The following EMCN variants were observed in gnomAD, a reference collection of about 807,000 sequenced individuals.
The protein encoded by EMCN is endomucin, also known as MUC-14.
A neutral mutation model predicts 38.4 loss-of-function variants in EMCN; 37 were observed. That is an observed-to-expected ratio of 0.96 (90% CI 0.74 to 1.27). The LOEUF (loss-of-function observed/expected upper bound fraction) is 1.27. EMCN is among the 50% of genes most tolerant of loss of function. EMCN has a pLI of 0.00. For missense variants in EMCN, 318 were observed against 302.8 expected (o/e 1.05, Z -0.37); for synonymous variants, 95 against 100.8 (o/e 0.94, Z 0.35).
At chr4:100,423,163 C>T in intron 6 of EMCN, 83 bp from the exon 7 acceptor site, 1 of 1,435,718 alleles carries the variant, frequency 7.0e-7, no homozygotes, top group Non-Finnish European at 9.8e-7. Context: ...TTTAAGGAAA[C>T]AGCCATGATT....
chr4:100,440,870 G>A (rs1360111428), intron 5 of EMCN, among the ~76,000 whole-genome samples: 1 of 152,054 alleles, frequency 6.6e-6, no homozygotes, highest in African/African-American at 2.4e-5. Flanking sequence ...CAGATCATGA[G>A]GTCAGGAGAT....
intron 1 of EMCN, among the ~76,000 whole-genome samples, chr4:100,497,261 A>C (rs1425092768): frequency 5.3e-5 from 8 of 151,798 alleles, no homozygotes; most frequent in Non-Finnish European, 1.0e-4. Context: ...AAAAAAAAAA[A>C]AACTAGATTA....
chr4:100,500,465 C>T (rs1322939033), intron 1 of EMCN, among the ~76,000 whole-genome samples: 2 of 151,988 alleles, frequency 1.3e-5, no homozygotes, highest in Non-Finnish European at 2.9e-5. Context: ...AGAATATTAC[C>T]AGCAGTGTAA....
intron 1 of EMCN, among the ~76,000 whole-genome samples, chr4:100,493,636 T>C (rs767966011): frequency 2.0e-5 from 3 of 152,238 alleles, no homozygotes; most frequent in Non-Finnish European, 4.4e-5. Flanking sequence ...ATTTTAGAAA[T>C]TGCAAAATAT....
chr4:100,439,069 T>A (rs1316048568), intron 5 of EMCN, among the ~76,000 whole-genome samples: 1 of 152,072 alleles, frequency 6.6e-6, no homozygotes, highest in Non-Finnish European at 1.5e-5. Flanking sequence ...GTCTGCATTT[T>A]TCTTGTCTTG....
At chr4:100,456,951 C>G (rs1378448365) in intron 4 of EMCN, among the ~76,000 whole-genome samples, 1 of 152,002 alleles carries the variant, frequency 6.6e-6, no homozygotes, top group Non-Finnish European at 1.5e-5. Flanking sequence ...GTGTTTTTCA[C>G]TAAATGTTTG....
At position 100,468,414 on chromosome 4, in the gene EMCN, T is replaced by G. The variant is rs28404911; in HGVS notation, c.260-2875A>C. 9.9e-3 allele frequency among the ~76,000 whole-genome samples: 1,515 copies of G among 152,294 alleles called. 29 individuals are homozygous for G. The highest frequency in any genetic ancestry group is 0.034 in the African/African-American group (1,411 of 41,564). On this transcript the variant is annotated intron_variant, in intron 3 of 11. Coordinates refer to ENST00000296420, the MANE Select transcript of EMCN (RefSeq NM_016242.4). Reference sequence around the variant, plus strand: ...GTAGTTACCAATTAACATGAAGAGATGGTTTGTGGTCATGGATTTTAATTT... The same window carrying G: ...GTAGTTACCAATTAACATGAAGAGAGGGTTTGTGGTCATGGATTTTAATTT...
intron 1 of EMCN, among the ~76,000 whole-genome samples, chr4:100,507,564 T>G (rs1729516181): frequency 1.3e-5 from 2 of 152,048 alleles, no homozygotes; most frequent in Non-Finnish European, 2.9e-5. Flanking sequence ...AAGGAAGAAC[T>G]CCACTGGGTA....
chr4:100,423,233 G>C, intron 6 of EMCN, 79 bp downstream of exon 6: 1 of 1,357,152 alleles, frequency 7.4e-7, no homozygotes, highest in Non-Finnish European at 1.1e-6. Flanking sequence ...GCTCTGTTTT[G>C]TGAGTCAAGA....
chr4:100,492,470 A>T (rs1464231161), intron 1 of EMCN, among the ~76,000 whole-genome samples: 1 of 152,182 alleles, frequency 6.6e-6, no homozygotes, highest in African/African-American at 2.4e-5. Flanking sequence ...GAAAAGAAAG[A>T]GAAAAGAGAC....
In EMCN at chr4:100,397,746, A is replaced by G. The variant is rs907676702; in HGVS notation, c.*667T>C. On this transcript the variant is annotated 3_prime_UTR_variant, in exon 12 of 12. Coordinates refer to ENST00000296420, the MANE Select transcript of EMCN (RefSeq NM_016242.4). ...ATGCCTTTCATTAGTGAGTTCATGT[A>G]TTCTAATAATCCATCCAAAAATATT... 6.6e-6 allele frequency: 1 copy of G among 152,142 alleles called. No individual in the cohort carries two copies. Among genetic ancestry groups the G allele is most frequent in the African/African-American group, 2.4e-5 (1 of 41,428 alleles). 9.4% of individuals were successfully genotyped at this position (152,142 alleles called of 1,614,324 possible).
intron 10 of EMCN, among the ~76,000 whole-genome samples, chr4:100,412,661 A>T (rs949418485): frequency 2.6e-5 from 4 of 152,182 alleles, no homozygotes; most frequent in African/African-American, 9.6e-5. Flanking sequence ...ATATGTTCTT[A>T]TGAAGGACTC....
intron 1 of EMCN, chr4:100,487,020 T>A (rs1728960360): frequency 1.0e-6 from 1 of 985,070 alleles, no homozygotes; most frequent in East Asian, 1.1e-4. Context: ...GGTTGAGGAA[T>A]TTCAAATCCT....
intron 4 of EMCN, among the ~76,000 whole-genome samples, chr4:100,450,726 A>C (rs1727814495): frequency 6.6e-6 from 1 of 151,944 alleles, no homozygotes; most frequent in Non-Finnish European, 1.5e-5. Flanking sequence ...AAATGATATA[A>C]ATTAATTAAA....
In EMCN at chr4:100,447,442, C is replaced by T. The variant is rs545580940; in HGVS notation, c.415+91G>A. 910 of 876,780 alleles carry T rather than the reference C, an allele frequency of 1.0e-3. 14 individuals carry two copies. The South Asian group carries it at 0.013, about 13-fold the overall frequency. The allele number at this position is 876,780 out of a possible 1,614,324, so 54.3% of individuals were successfully genotyped here. A position where few individuals can be genotyped will look rare whatever the true frequency, so the allele number is the denominator to read the frequency against. On this transcript the variant is annotated intron_variant, in intron 5 of 11. Transcript: ENST00000296420. ...AATGTTTTCCCTTGTGCTATTTCTC[C>T]CTGCCCCCAAACTGATTGGTGTAAT...
At chr4:100,436,707 T>C (rs1727362973) in intron 5 of EMCN, among the ~76,000 whole-genome samples, 1 of 152,180 alleles carries the variant, frequency 6.6e-6, no homozygotes, top group Admixed American at 6.5e-5. Flanking sequence ...TCATGTCCTT[T>C]GTCTGGACAT....
At chr4:100,427,453 CTT>C (rs71594586) in intron 5 of EMCN, among the ~76,000 whole-genome samples, 8 of 97,232 alleles carry the variant, frequency 8.2e-5, no homozygotes, top group Non-Finnish European at 6.3e-5. Context: ...CTCTCTCTCT[CTT>C]TTTTTTTTTT....
At chr4:100,429,402 T>C (rs542002196) in intron 5 of EMCN, among the ~76,000 whole-genome samples, 19 of 152,290 alleles carry the variant, frequency 1.2e-4, no homozygotes, top group African/African-American at 4.6e-4. Flanking sequence ...GGCTAGTACG[T>C]ATTTTCACAC....
intron 5 of EMCN, among the ~76,000 whole-genome samples, chr4:100,424,908 G>C (rs1224469681): frequency 2.0e-5 from 3 of 151,904 alleles, no homozygotes; most frequent in African/African-American, 7.3e-5. Flanking sequence ...CTGTAGACAG[G>C]CTAAATGGCA....
Sources: gnomAD v4.1 joint callset for allele counts (sites outside exome capture counted in the v4.1 genomes callset) on GRCh38, gnomAD v4.1.1 for gene constraint, MANE v1.5 for transcripts, NCBI Gene and HGNC (gene_info 2026-07-23, HGNC 2026-07-21) for gene names.